The following HCRTR2 variants were observed in gnomAD, a reference collection of about 807,000 sequenced individuals.
The protein encoded by HCRTR2 is hypocretin receptor 2, also known as orexin receptor type 2.
Under a neutral mutation model 49.0 loss-of-function variants are expected in HCRTR2, and 22 were observed. The observed-to-expected ratio is 0.45, with a 90% CI of 0.32 to 0.64. The LOEUF is 0.64. HCRTR2 is among the 30% of genes least tolerant of loss of function. HCRTR2 has a pLI of 0.04. For missense variants in HCRTR2, 491 were observed against 559.4 expected, an observed-to-expected ratio of 0.88 and a Z score of 1.23; for synonymous variants, 236 against 205.3, an observed-to-expected ratio of 1.15 and a Z score of -1.28.
chr6:55,205,902 T>G (rs1252361370), intron 1 of HCRTR2, among the ~76,000 whole-genome samples: 1 of 152,110 alleles, frequency 6.6e-6, no homozygotes, highest in African/African-American at 2.4e-5. Context: ...ACACCCTTAT[T>G]ATAATTGTAG....
intron 1 of HCRTR2, among the ~76,000 whole-genome samples, chr6:55,238,446 A>T (rs1265093968): frequency 6.6e-6 from 1 of 152,188 alleles, no homozygotes; most frequent in Non-Finnish European, 1.5e-5. Flanking sequence ...TTTGAAAAAT[A>T]GTAGTAAGAT....
chr6:55,226,699 C>G (rs1766011299), intron 1 of HCRTR2, among the ~76,000 whole-genome samples: 1 of 145,368 alleles, frequency 6.9e-6, no homozygotes, highest in South Asian at 2.2e-4. Flanking sequence ...AGAGTGATAC[C>G]AAATTCCAGG....
chr6:55,122,958 G>A (rs1764222347), intron 1 of HCRTR2, among the ~76,000 whole-genome samples: 1 of 126,590 alleles, frequency 7.9e-6, no homozygotes, highest in Non-Finnish European at 1.6e-5. Flanking sequence ...CACACACTGG[G>A]GCCTGTTGTG....
At chr6:55,134,167 G>A (rs1764401940) in intron 1 of HCRTR2, among the ~76,000 whole-genome samples, 1 of 151,782 alleles carries the variant, frequency 6.6e-6, no homozygotes, top group Admixed American at 6.6e-5. Context: ...AATTTCATAA[G>A]TTGGGTGATA....
intron 1 of HCRTR2, among the ~76,000 whole-genome samples, chr6:55,205,593 G>A (rs370140180): frequency 1.4e-4 from 21 of 151,786 alleles, no homozygotes; most frequent in Non-Finnish European, 2.1e-4. Context: ...TAGACAGAGA[G>A]GAATTGAAGA....
chr6:55,164,100 C>T (rs752906165), intron 1 of HCRTR2, among the ~76,000 whole-genome samples: 10 of 152,102 alleles, frequency 6.6e-5, no homozygotes, highest in African/African-American at 1.7e-4. Context: ...GTTAGAATGG[C>T]GATCATTAAA....
chr6:55,170,046 C>CAGGAAT (rs1764926670), upstream of HCRTR2, among the ~76,000 whole-genome samples: 20 of 3,336 alleles, frequency 6.0e-3, no homozygotes, highest in Non-Finnish European at 0.011. Flanking sequence ...CTATAACCAC[C>CAGGAAT]AAGAAAAAAA....
intron 3 of HCRTR2, among the ~76,000 whole-genome samples, chr6:55,262,545 A>G (rs866611328): frequency 1.1e-4 from 14 of 131,360 alleles, no homozygotes; most frequent in East Asian, 8.1e-4. Context: ...ATAATATAAT[A>G]TAACTTATTA....
intron 1 of HCRTR2, among the ~76,000 whole-genome samples, chr6:55,213,781 TA>T (rs946621635): frequency 3.3e-5 from 5 of 152,146 alleles, no homozygotes; most frequent in Non-Finnish European, 7.3e-5. Flanking sequence ...ATACAAGTGC[TA>T]ATTGGGAAGT....
Position 55,279,427 on chromosome 6 carries a change from G to A in HCRTR2, c.984-896G>A, listed in dbSNP as rs183185665. 6.5e-3 allele frequency among the ~76,000 whole-genome samples: 968 copies of A among 148,336 alleles called. 11 individuals carry two copies. The highest frequency in any genetic ancestry group is 0.024 in the African/African-American group (909 of 38,662). On this transcript the variant is annotated intron_variant, in intron 5 of 6. Transcript: ENST00000370862. ...TGTCCGTATTATTTCACTCTATATA[G>A]TATTTTTGTAAAACTCTAGTACTCT...
At chr6:55,166,477 G>A (rs555890684) in intron 1 of HCRTR2, among the ~76,000 whole-genome samples, 38 of 151,780 alleles carry the variant, frequency 2.5e-4, no homozygotes, top group Admixed American at 3.9e-4. Context: ...TTTGTTAAGA[G>A]ACTTAAAACA....
intron 1 of HCRTR2, among the ~76,000 whole-genome samples, chr6:55,241,709 T>C (rs9475212): frequency 0.087 from 13,303 of 152,078 alleles, 1,277 homozygotes; most frequent in African/African-American, 0.24. Context: ...AATTGTGTTT[T>C]CTTTCAATCT....
rs1767004734 is a variant in HCRTR2, at chr6:55,273,065, G to A, written c.763-4315G>A. On this transcript the variant is annotated intron_variant, in intron 4 of 6. Transcript: ENST00000370862. ...AGGAACAAATAAAATTACAGTCCTCGTTATAAGAATTTAGCATGCAAATCT... is the reference window on the plus strand; with the variant it reads ...AGGAACAAATAAAATTACAGTCCTCATTATAAGAATTTAGCATGCAAATCT... Among the ~76,000 whole-genome samples the A allele has an allele frequency of 2.6e-5, 4 of 151,892 alleles. No homozygotes were observed. The South Asian group carries it at 6.2e-4, about 24-fold the overall frequency.
intron 1 of HCRTR2, among the ~76,000 whole-genome samples, chr6:55,203,339 T>C (rs368294626): frequency 6.6e-6 from 1 of 152,340 alleles, no homozygotes; most frequent in East Asian, 1.9e-4. Context: ...TGACATTTAA[T>C]ATTACAACCA....
intron 1 of HCRTR2, among the ~76,000 whole-genome samples, chr6:55,110,228 T>C (rs1764030605): frequency 6.6e-6 from 1 of 152,088 alleles, no homozygotes; most frequent in Non-Finnish European, 1.5e-5. Flanking sequence ...TTCTAAATCC[T>C]GAAACACAAA....
At chr6:55,194,662 A>C (rs2127280347) in intron 1 of HCRTR2, among the ~76,000 whole-genome samples, 1 of 152,154 alleles carries the variant, frequency 6.6e-6, no homozygotes, top group African/African-American at 2.4e-5. Context: ...GTTATGGAAA[A>C]ATTTTGAGAT....
Position 55,226,811 on chromosome 6 carries a change from C to T in HCRTR2, c.224-21828C>T, listed in dbSNP as rs187739513. On this transcript the variant is annotated intron_variant, in intron 1 of 6. Transcript: ENST00000370862. ...TCGGCTCACTGAAAGCTCCGCCTCC[C>T]GGGTTCACACCATTCTCCTGCCTCA... Among the ~76,000 whole-genome samples the T allele has an allele frequency of 3.1e-3, 459 of 147,260 alleles. 1 individual carries two copies. The highest frequency in any genetic ancestry group is 0.011 in the African/African-American group (443 of 39,596).
chr6:55,226,994 T>C (rs894224033), intron 1 of HCRTR2, among the ~76,000 whole-genome samples: 5 of 152,150 alleles, frequency 3.3e-5, no homozygotes, highest in African/African-American at 1.2e-4. Context: ...TTAACACATC[T>C]ATTTATAAAA....
chr6:55,179,660 T>TA (rs1765098287), intron 1 of HCRTR2, among the ~76,000 whole-genome samples: 1 of 152,144 alleles, frequency 6.6e-6, no homozygotes, highest in South Asian at 2.1e-4. Context: ...ATGGGATAAT[T>TA]AAAAAATACC....
Sources: allele counts gnomAD v4.1 joint callset (sites outside exome capture counted in the v4.1 genomes callset), GRCh38; gene constraint gnomAD v4.1.1; transcripts MANE v1.5; gene names NCBI Gene and HGNC (gene_info 2026-07-23, HGNC 2026-07-21).